BRAF: variants seen among roughly 807,000 people sequenced by gnomAD.
BRAF encodes serine/threonine-protein kinase B-raf.
Under a neutral mutation model 104.6 loss-of-function variants are expected in BRAF, and 16 were observed. The ratio of observed to expected loss-of-function variants is 0.15; its 90% CI spans 0.10 to 0.23. The LOEUF is 0.23. BRAF is among the 10% of genes least tolerant of loss of function. The pLI, the probability that BRAF is intolerant of heterozygous loss-of-function variation, is 1.00. For synonymous variants in BRAF, 310 were observed against 341.6 expected (o/e 0.91, Z 1.02); for missense variants, 541 against 937.3 (o/e 0.58, Z 5.52).
At chr7:140,764,844 A>G (rs1799143147) in intron 14 of BRAF, among the ~76,000 whole-genome samples, 1 of 152,260 alleles carries the variant, frequency 6.6e-6, no homozygotes, top group Non-Finnish European at 1.5e-5. Context: ...GGGTAGAAGA[A>G]TCAGTTATCA....
In BRAF at chr7:140,726,008, C is replaced by T. The variant is rs1795578311; in HGVS notation, c.*486G>A. On this transcript the variant is annotated 3_prime_UTR_variant, in exon 20 of 20. Transcript: ENST00000644969. ...TTTTGTTCCATCCCTCAGAAACTAA[C>T]TGGTGGTCACTAGGGGAAAGAGCTC... is the stretch of plus-strand genomic sequence containing the variant. The T allele has an allele frequency of 2.8e-6, 3 of 1,068,864 alleles. No homozygotes were observed. Among genetic ancestry groups the T allele is most frequent in the South Asian group, 9.0e-5 (2 of 22,230 alleles). 66.2% of individuals were successfully genotyped at this position (1,068,864 alleles called of 1,614,324 possible).
Position 140,797,854 on chromosome 7 carries a change from A to C in BRAF, c.980+2508T>G, listed in dbSNP as rs762049659. Among the ~76,000 whole-genome samples the C allele has an allele frequency of 5.8e-4, 88 of 152,198 alleles. 1 individual carries two copies. The highest frequency in any genetic ancestry group is 3.3e-4 in the Admixed American group (5 of 15,284). The stretch of plus-strand genomic sequence containing the variant: ...AAGATTAATTAAAAACCAACCAAAT[A>C]ATAACATTTTGATTTGACCATCTAA... On this transcript the variant is annotated intron_variant, in intron 7 of 19. Coordinates refer to ENST00000644969, the MANE Select transcript of BRAF (RefSeq NM_001374258.1).
rs9648696 is a variant in BRAF at position 140,749,350 on chromosome 7, T to C, written c.2049A>G (p.Gly683=). The change falls in exon 17 of 20, where the codon GGA becomes GGG. Residue 683 remains glycine (G), a synonymous_variant. Transcript: ENST00000644969. ...CAGTCATCAATTCATACAGAACAAT[T>C]CCAAATGCATATACATCTGACTGAA... ...YSFQSDVYAF[G]IVLYELMTGQ... is the part of the protein sequence containing the mutation. 0.18 allele frequency: 287,439 copies of C among 1,612,556 alleles called. 37,917 individuals are homozygous for C. Among genetic ancestry groups the C allele is most frequent in the African/African-American group, 0.68 (50,668 of 74,860 alleles).
rs184141644 is a variant in BRAF, at chr7:140,756,586, A to G, written c.1815-2353T>C. Among the ~76,000 whole-genome samples, 493 of 152,282 alleles carry G rather than the reference A, an allele frequency of 3.2e-3. 3 individuals are homozygous for G. Among genetic ancestry groups the G allele is most frequent in the Non-Finnish European group, 3.3e-3 (224 of 68,020 alleles). Reference sequence around the variant, plus strand: ...AAATAACAGAAAACAAATAACTCACATAACTGTTTGGGAGTAGGGAAGGGA... The same window carrying G: ...AAATAACAGAAAACAAATAACTCACGTAACTGTTTGGGAGTAGGGAAGGGA... On this transcript the variant is annotated intron_variant, in intron 14 of 19. Transcript: ENST00000644969.
chr7:140,772,272 TACAACAACAACAACAACAACA>T (rs61337459), intron 14 of BRAF, among the ~76,000 whole-genome samples: 9 of 149,316 alleles, frequency 6.0e-5, no homozygotes, highest in East Asian at 2.0e-4. Flanking sequence ...ATTGTTTAAC[TACAACAACAACAACAACAACA>T]ACAACAACAA....
chr7:140,835,676 A>C (rs1046675364), intron 2 of BRAF: 1 of 152,164 alleles, frequency 6.6e-6, no homozygotes, highest in Non-Finnish European at 1.5e-5. Flanking sequence ...TAGAAGTTTC[A>C]TTTGATGAAG....
intron 1 of BRAF, among the ~76,000 whole-genome samples, chr7:140,909,355 G>T (rs548557122): frequency 1.3e-5 from 2 of 152,244 alleles, no homozygotes; most frequent in Admixed American, 6.5e-5. Context: ...AACCCGGGAG[G>T]CGAAGGTTTT....
At chr7:140,893,228 C>T (rs927314047) in intron 1 of BRAF, among the ~76,000 whole-genome samples, 1 of 151,626 alleles carries the variant, frequency 6.6e-6, no homozygotes, top group African/African-American at 2.4e-5. Flanking sequence ...TAGGCTTATT[C>T]TCCCTGCTGT....
At chr7:140,841,399 C>T (rs1406685850) in intron 2 of BRAF, among the ~76,000 whole-genome samples, 6 of 151,820 alleles carry the variant, frequency 4.0e-5, no homozygotes, top group Non-Finnish European at 8.8e-5. Context: ...GGCATACAGC[C>T]AGGAAAAATG....
chr7:140,728,411 T>C (rs1456032645), intron 19 of BRAF, among the ~76,000 whole-genome samples: 1 of 152,188 alleles, frequency 6.6e-6, no homozygotes, highest in African/African-American at 2.4e-5. Context: ...CTGCAGATAG[T>C]CTATTATCTC....
chr7:140,800,919 T>C (rs1803035635), intron 6 of BRAF: 2 of 243,142 alleles, frequency 8.2e-6, no homozygotes, highest in Non-Finnish European at 1.6e-5. Context: ...AAAACTGGCA[T>C]ACAGCAAAGA....
At chr7:140,733,435 G>A (rs747138771) in intron 19 of BRAF, 1 of 152,178 alleles carries the variant, frequency 6.6e-6, no homozygotes, top group Admixed American at 6.5e-5. Context: ...ATAGGACCAC[G>A]TGCTGTTGCT....
At chr7:140,746,809 G>A (rs1392305376) in intron 17 of BRAF, among the ~76,000 whole-genome samples, 13 of 146,874 alleles carry the variant, frequency 8.9e-5, no homozygotes, top group Non-Finnish European at 1.3e-4. Flanking sequence ...CAGCCTGGGC[G>A]ACACAGCAAG....
chr7:140,839,107 T>C (rs997937196), intron 2 of BRAF, among the ~76,000 whole-genome samples: 1 of 152,078 alleles, frequency 6.6e-6, no homozygotes, highest in African/African-American at 2.4e-5. Context: ...CTTCAACAAC[T>C]GGCGCTGGTA....
Position 140,800,384 on chromosome 7 carries a change from C to A in BRAF, c.958G>T (p.Ala320Ser). 3 of 1,614,040 alleles carry A rather than the reference C, an allele frequency of 1.9e-6. No individual in the cohort carries two copies. Among genetic ancestry groups the A allele is most frequent in the Non-Finnish European group, 2.5e-6 (3 of 1,180,008 alleles). Residue 320 changes from alanine to serine, a missense_variant, in exon 7 of 20, where the codon GCA becomes TCA. Physicochemically the swap from Ala to Ser is moderately conservative, Grantham distance 99. Coordinates refer to ENST00000644969, the MANE Select transcript of BRAF (RefSeq NM_001374258.1). ...TACCCAATAGAGTCCGAGGCGGGTGCGGAAGGGGATGATCCAGATGTTAGG... is the reference window on the plus strand; with the variant it reads ...TACCCAATAGAGTCCGAGGCGGGTGAGGAAGGGGATGATCCAGATGTTAGG... Reference protein sequence around the residue: ...TALTSGSSPSAPASDSIGPQI... With the variant: ...TALTSGSSPSSPASDSIGPQI...
At chr7:140,845,843 G>T (rs1043358825) in intron 2 of BRAF, among the ~76,000 whole-genome samples, 24 of 151,996 alleles carry the variant, frequency 1.6e-4, no homozygotes, top group Middle Eastern at 3.4e-3. Context: ...ACACACACCT[G>T]AAATTTTTGT....
intron 1 of BRAF, among the ~76,000 whole-genome samples, chr7:140,912,944 C>A (rs1283857241): frequency 2.0e-5 from 3 of 152,178 alleles, no homozygotes; most frequent in Admixed American, 2.0e-4. Flanking sequence ...TTCCCTAATC[C>A]CCTAGTCTCT....
At chr7:140,727,096 A>G (rs1411087204) in intron 19 of BRAF, among the ~76,000 whole-genome samples, 1 of 152,218 alleles carries the variant, frequency 6.6e-6, no homozygotes, top group Non-Finnish European at 1.5e-5. Flanking sequence ...AATTATCAGC[A>G]TAAAGAATTC....
chr7:140,798,338 C>T (rs984578733), intron 7 of BRAF, among the ~76,000 whole-genome samples: 5 of 130,176 alleles, frequency 3.8e-5, no homozygotes, highest in African/African-American at 5.9e-5. Flanking sequence ...TCTCGGCCCG[C>T]TACAAGCTCC....
Sources: allele counts gnomAD v4.1 joint callset (sites outside exome capture counted in the v4.1 genomes callset), GRCh38; gene constraint gnomAD v4.1.1; transcripts MANE v1.5; gene names NCBI Gene and HGNC (gene_info 2026-07-23, HGNC 2026-07-21).